Variants in RYR3 observed in about 807,000 individuals in gnomAD.
RYR3 encodes ryanodine receptor 3, also known as brain ryanodine receptor-calcium release channel.
In RYR3, 207 loss-of-function variants were observed where a neutral mutation model predicts 584.3. The observed-to-expected ratio is 0.35, with a 90% CI of 0.32 to 0.40. The LOEUF (loss-of-function observed/expected upper bound fraction) is 0.40, where lower values mean the gene tolerates loss of function less well. Ranked by LOEUF, RYR3 falls within the 10% of genes least tolerant of loss-of-function variation. The pLI, the probability that RYR3 is intolerant of heterozygous loss-of-function variation, is 1.00. For synonymous variants in RYR3, 2,416 were observed against 2,248.5 expected (o/e 1.07, Z -2.11); for missense variants, 5,616 against 6,089.2 (o/e 0.92, Z 2.59).
chr15:33,814,379 T>C (rs2076696918), intron 74 of RYR3, among the ~76,000 whole-genome samples: 1 of 152,244 alleles, frequency 6.6e-6, no homozygotes, highest in African/African-American at 2.4e-5. Context: ...AGTAGGAATA[T>C]TCTCACTTGC....
intron 43 of RYR3, among the ~76,000 whole-genome samples, chr15:33,717,748 G>A (rs574190466): frequency 7.0e-4 from 107 of 152,278 alleles, no homozygotes; most frequent in African/African-American, 2.1e-3. Flanking sequence ...GGTCTGCGGG[G>A]GTGGCTCTGT....
At position 33,831,061 on chromosome 15, in the gene RYR3, G is replaced by C. The variant is rs933320431; in HGVS notation, c.11433G>C (p.Gln3811His). Residue 3811 changes from glutamine to histidine, a missense_variant, in exon 86 of 104, where the codon CAG becomes CAC. Transcript: ENST00000634891. The part of the protein sequence containing the change: ...NFSKALAVTK[Q>H]IFNSLTEYIQ... ...CCAAAGCTCTGGCAGTCACCAAGCA[G>C]ATTTTCAATTCTCTTACAGAATACA... 3 of 1,613,598 alleles carry C rather than the reference G, an allele frequency of 1.9e-6. No individual in the cohort carries two copies. Among genetic ancestry groups the C allele is most frequent in the African/African-American group, 1.3e-5 (1 of 74,936 alleles).
chr15:33,522,955 G>A (rs139978345), intron 3 of RYR3, among the ~76,000 whole-genome samples: 28 of 152,208 alleles, frequency 1.8e-4, no homozygotes, highest in African/African-American at 6.7e-4. Context: ...ACAATTCAAG[G>A]CCTGTTTGGA....
At chr15:33,389,009 G>A (rs114351240) in intron 1 of RYR3, among the ~76,000 whole-genome samples, 23 of 142,534 alleles carry the variant, frequency 1.6e-4, no homozygotes, top group Non-Finnish European at 1.8e-4. Flanking sequence ...ACCAAACACC[G>A]CATGTTTAAT....
rs61403739 is a variant in RYR3, at chr15:33,351,510, A to G, written c.51+40414A>G. Reference sequence around the variant, plus strand: ...ATGAACATTGATGCAAAAATCCTCAATAAAATACTGGCAAACCGAATCCAG... The same window carrying G: ...ATGAACATTGATGCAAAAATCCTCAGTAAAATACTGGCAAACCGAATCCAG... On this transcript the variant is annotated intron_variant, in intron 1 of 103. Transcript: ENST00000634891. Among the ~76,000 whole-genome samples, 27 of 151,252 alleles carry G rather than the reference A, an allele frequency of 1.8e-4. No homozygotes were observed. The South Asian group carries it at 5.0e-3, about 28-fold the overall frequency.
At chr15:33,348,656 A>G (rs1224890587) in intron 1 of RYR3, among the ~76,000 whole-genome samples, 1 of 151,876 alleles carries the variant, frequency 6.6e-6, no homozygotes. Flanking sequence ...TTGTATTTTT[A>G]GTAGAGACAA....
At chr15:33,813,048 A>G (rs1300160469) in intron 73 of RYR3, 54 bp downstream of exon 73, 10 of 1,606,748 alleles carry the variant, frequency 6.2e-6, no homozygotes, top group African/African-American at 1.3e-5. Flanking sequence ...TGGACCATAC[A>G]AAGCTCCCCT....
intron 77 of RYR3, 131 bp from the exon 78 acceptor site, chr15:33,820,625 T>C: frequency 1.4e-6 from 1 of 711,794 alleles, no homozygotes; most frequent in Non-Finnish European, 2.3e-6. Flanking sequence ...TGTTCCTGGC[T>C]TTACACAACG....
chr15:33,662,341 C>G lies in RYR3; in HGVS notation c.4811C>G (p.Ser1604Cys), dbSNP rs764730525. 2 of 1,612,512 alleles carry G rather than the reference C, an allele frequency of 1.2e-6. No individual in the cohort carries two copies. Among genetic ancestry groups the G allele is most frequent in the African/African-American group, 2.7e-5 (2 of 74,916 alleles). ...DNKYLPGLLR[S>C]GFYDLLISIH... ...AAGTACCTCCCCGGCCTCCTTCGAT[C>G]TGGTTTCTATGACCTGCTCATCAGC... Residue 1604 changes from serine to cysteine, a missense_variant, in exon 35 of 104, where the codon TCT (serine) becomes TGT (cysteine). Transcript: ENST00000634891.
chr15:33,355,316 G>C (rs1426196127), intron 1 of RYR3, among the ~76,000 whole-genome samples: 1 of 152,104 alleles, frequency 6.6e-6, no homozygotes, highest in African/African-American at 2.4e-5. Context: ...CTAACTTGCA[G>C]TCATATTATA....
At chr15:33,650,592 AATATCAG>A (rs2062408998) in intron 31 of RYR3, among the ~76,000 whole-genome samples, 1 of 152,160 alleles carries the variant, frequency 6.6e-6, no homozygotes, top group African/African-American at 2.4e-5. Flanking sequence ...GCACTCAGTA[AATATCAG>A]CTACAGTCAT....
intron 65 of RYR3, 64 bp from the exon 66 acceptor site, chr15:33,785,598 G>A: frequency 7.7e-7 from 1 of 1,303,854 alleles, no homozygotes; most frequent in Non-Finnish European, 1.0e-6. Flanking sequence ...GAGGGGCAGA[G>A]AGAAGGAAGC....
intron 70 of RYR3, among the ~76,000 whole-genome samples, chr15:33,808,494 G>T (rs1172993001): frequency 6.6e-6 from 1 of 152,138 alleles, no homozygotes; most frequent in African/African-American, 2.4e-5. Context: ...ACACTTTTGA[G>T]CATATTTATT....
intron 67 of RYR3, among the ~76,000 whole-genome samples, chr15:33,798,710 G>A (rs12232317): frequency 0.029 from 4,375 of 152,292 alleles, 139 homozygotes; most frequent in East Asian, 0.13. Flanking sequence ...TTGTTACTAT[G>A]GAAGAAGAGG....
Position 33,412,606 on chromosome 15 carries a change from G to A in RYR3, c.52-60813G>A, listed in dbSNP as rs1455198801. Reference sequence around the variant, plus strand: ...GTTTGTCACCAGGCCCAGAAATATGGGACTCAGGCCTCTTTCTGCAGCAAT... The same window carrying A: ...GTTTGTCACCAGGCCCAGAAATATGAGACTCAGGCCTCTTTCTGCAGCAAT... On this transcript the variant is annotated intron_variant, in intron 1 of 103. Transcript: ENST00000634891. This position sits in a 1 kb window ranked among gnomAD's most constrained non-coding sequence, Gnocchi z 4.3. 1.3e-5 allele frequency among the ~76,000 whole-genome samples: 2 copies of A among 152,024 alleles called. No individual in the cohort carries two copies. Among genetic ancestry groups the A allele is most frequent in the African/African-American group, 4.8e-5 (2 of 41,384 alleles).
At chr15:33,741,553 T>C (rs1417812339) in intron 51 of RYR3, among the ~76,000 whole-genome samples, 1 of 152,224 alleles carries the variant, frequency 6.6e-6, no homozygotes, top group Non-Finnish European at 1.5e-5. Flanking sequence ...AGCTGTTTTC[T>C]GGGAAAACAG....
At chr15:33,674,468 T>C (rs1354384291) in intron 38 of RYR3, among the ~76,000 whole-genome samples, 4 of 152,178 alleles carry the variant, frequency 2.6e-5, no homozygotes, top group Non-Finnish European at 5.9e-5. Context: ...GTGAGGTACT[T>C]GTATATGTGT....
intron 3 of RYR3, among the ~76,000 whole-genome samples, chr15:33,516,394 C>T (rs1396347464): frequency 4.6e-5 from 7 of 151,322 alleles, no homozygotes; most frequent in African/African-American, 1.5e-4. Context: ...CCCTGGCTAG[C>T]GTGCAGTGGT....
At chr15:33,653,930 A>G (rs74829197) in intron 32 of RYR3, among the ~76,000 whole-genome samples, 2,077 of 152,322 alleles carry the variant, frequency 0.014, 62 homozygotes, top group African/African-American at 0.046. Context: ...AAAGAAACCT[A>G]TGTAACCAAG....
Sources: gnomAD v4.1 joint callset for allele counts (sites outside exome capture counted in the v4.1 genomes callset) on GRCh38, gnomAD v4.1.1 for gene constraint, Gnocchi (gnomAD v3.1) non-coding constraint, MANE v1.5 for transcripts, NCBI Gene and HGNC (gene_info 2026-07-23, HGNC 2026-07-21) for gene names.